The following NCAM2 variants were observed in gnomAD, a reference collection of about 807,000 sequenced individuals.
NCAM2 encodes the protein N-CAM-2.
A neutral mutation model predicts 98.1 loss-of-function variants in NCAM2; 30 were observed. That is an observed-to-expected ratio of 0.31 (90% CI 0.23 to 0.41). The LOEUF is 0.41. Among genes scored for constraint, NCAM2 ranks in the 10% least tolerant of loss-of-function variants. NCAM2 has a pLI of 1.00. For synonymous variants in NCAM2, 368 were observed against 342.4 expected (o/e 1.07, Z -0.83); for missense variants, 867 against 1,005.8 (o/e 0.86, Z 1.87).
intron 1 of NCAM2, among the ~76,000 whole-genome samples, chr21:21,130,436 G>A (rs943550095): frequency 7.2e-5 from 11 of 152,112 alleles, no homozygotes; most frequent in South Asian, 2.1e-4. Context: ...ATATATAATG[G>A]TACGTGCATC....
chr21:21,228,796 C>A (rs1008445591), intron 1 of NCAM2, among the ~76,000 whole-genome samples: 2 of 151,404 alleles, frequency 1.3e-5, no homozygotes, highest in Non-Finnish European at 3.0e-5. Context: ...TTAGTCATAT[C>A]TGCTGCAACT....
chr21:21,289,672 G>A (rs942760028), intron 4 of NCAM2, among the ~76,000 whole-genome samples: 2 of 151,870 alleles, frequency 1.3e-5, no homozygotes, highest in Non-Finnish European at 2.9e-5. Flanking sequence ...ATCTAACTAG[G>A]ATTTTTAAAC....
intron 4 of NCAM2, among the ~76,000 whole-genome samples, chr21:21,287,610 C>G (rs112581847): frequency 6.6e-6 from 1 of 151,838 alleles, no homozygotes; most frequent in Admixed American, 6.6e-5. Context: ...TAATCTTACA[C>G]CTCAAGTGTA....
At chr21:21,284,137 G>A in intron 2 of NCAM2, 57 bp from the exon 3 acceptor site, 1 of 1,393,054 alleles carries the variant, frequency 7.2e-7, no homozygotes, top group Admixed American at 1.7e-5. Context: ...AAATGCCAAT[G>A]TTCAAACAAA....
chr21:21,285,842 A>T (rs964984414), intron 3 of NCAM2, among the ~76,000 whole-genome samples: 5 of 151,958 alleles, frequency 3.3e-5, no homozygotes, highest in African/African-American at 1.2e-4. Context: ...AGAGAGATAG[A>T]GAACCTTGAA....
At chr21:21,465,007 G>A (rs1053484740) in intron 12 of NCAM2, among the ~76,000 whole-genome samples, 7 of 152,022 alleles carry the variant, frequency 4.6e-5, no homozygotes, top group Non-Finnish European at 8.8e-5. Flanking sequence ...CTTCAATAAG[G>A]CAGTACACTC....
chr21:21,060,523 T>C (rs2065300145), intron 1 of NCAM2, among the ~76,000 whole-genome samples: 1 of 152,128 alleles, frequency 6.6e-6, no homozygotes, highest in South Asian at 2.1e-4. Flanking sequence ...ATCAAAACAT[T>C]ATCAGAAACA....
chr21:21,056,502 G>GTGTGTC (rs1168962023), intron 1 of NCAM2, among the ~76,000 whole-genome samples: 1 of 148,768 alleles, frequency 6.7e-6, no homozygotes, highest in Non-Finnish European at 1.5e-5. Context: ...GTGTGTGTGT[G>GTGTGTC]TGTGTGTGTG....
intron 1 of NCAM2, among the ~76,000 whole-genome samples, chr21:21,042,554 T>C (rs897856656): frequency 6.6e-6 from 1 of 152,216 alleles, no homozygotes; most frequent in Admixed American, 6.5e-5. Flanking sequence ...AATATTAATG[T>C]ACAAAAATCT....
At chr21:21,498,982 A>G (rs909346393) in intron 15 of NCAM2, among the ~76,000 whole-genome samples, 3 of 152,196 alleles carry the variant, frequency 2.0e-5, no homozygotes, top group African/African-American at 7.2e-5. Context: ...TAAGAGCATT[A>G]GTAAATTATA....
In NCAM2 at chr21:21,524,820, A is replaced by G. The variant is rs139064958; in HGVS notation, c.2283-9717A>G. 3.3e-3 allele frequency among the ~76,000 whole-genome samples: 501 copies of G among 152,288 alleles called. 1 individual carries two copies. The highest frequency in any genetic ancestry group is 0.011 in the African/African-American group (475 of 41,580). ...TAGGAATCATACTATGTCTGCTCTC[A>G]TACCACAATGGAATTATACTACAAA... On this transcript the variant is annotated intron_variant, in intron 16 of 17. Transcript: ENST00000400546.
At position 21,458,445 on chromosome 21, in the gene NCAM2, TCAGGCACTGAGCACAC is replaced by T. The variant is rs1163135986; in HGVS notation, c.1655-8160_1655-8145del. 4.6e-5 allele frequency among the ~76,000 whole-genome samples: 7 copies of T among 152,162 alleles called. No individual in the cohort carries two copies. In the South Asian group the frequency reaches 1.0e-3, roughly 22 times the overall value. On this transcript the variant is annotated intron_variant, in intron 12 of 17. Transcript: ENST00000400546. ...CAGAGAACTGGTGTAGGAGTGGGGC[TCAGGCACTGAGCACAC>T]TTAGGGGCAGTGTGGGAGTGGAGCA...
intron 1 of NCAM2, among the ~76,000 whole-genome samples, chr21:21,108,761 C>A (rs549941191): frequency 7.2e-5 from 11 of 152,176 alleles, no homozygotes; most frequent in African/African-American, 2.4e-4. Flanking sequence ...CATGAATCTC[C>A]TCCCTACTTA....
At chr21:21,147,025 C>T in intron 1 of NCAM2, 1 of 824,164 alleles carries the variant, frequency 1.2e-6, no homozygotes, top group South Asian at 5.7e-5. Flanking sequence ...TGAAATCTCG[C>T]GCCCTGTCCC....
intron 1 of NCAM2, among the ~76,000 whole-genome samples, chr21:21,065,170 ACT>A (rs1259424478): frequency 1.3e-5 from 2 of 151,976 alleles, no homozygotes; most frequent in East Asian, 1.9e-4. Flanking sequence ...ACAGAGTAAG[ACT>A]CTCTCTCAAA....
intron 1 of NCAM2, among the ~76,000 whole-genome samples, chr21:21,253,140 T>A (rs1018504997): frequency 1.3e-5 from 2 of 152,202 alleles, no homozygotes; most frequent in African/African-American, 4.8e-5. Flanking sequence ...ACTGTTATCC[T>A]TCTTTTTACA....
chr21:21,421,923 C>T (rs1331224390), intron 11 of NCAM2, among the ~76,000 whole-genome samples: 2 of 152,078 alleles, frequency 1.3e-5, no homozygotes, highest in East Asian at 1.9e-4. Flanking sequence ...CTTTTTTCCT[C>T]CCATTTGTCC....
At chr21:21,160,487 T>C (rs2067750223) in intron 1 of NCAM2, among the ~76,000 whole-genome samples, 1 of 151,982 alleles carries the variant, frequency 6.6e-6, no homozygotes, top group African/African-American at 2.4e-5. Context: ...TTACAAAATA[T>C]CCTAAAGTCT....
At chr21:21,517,114 T>C (rs1024792282) in intron 16 of NCAM2, among the ~76,000 whole-genome samples, 11 of 152,184 alleles carry the variant, frequency 7.2e-5, no homozygotes, top group Admixed American at 5.9e-4. Context: ...TTTCTGTTTC[T>C]GTGGTCCTCA....
Sources: gnomAD v4.1 joint callset for allele counts (sites outside exome capture counted in the v4.1 genomes callset) on GRCh38, gnomAD v4.1.1 for gene constraint, MANE v1.5 for transcripts, NCBI Gene and HGNC (gene_info 2026-07-23, HGNC 2026-07-21) for gene names.